The following SLCO1A2 variants were observed in gnomAD, a reference collection of about 807,000 sequenced individuals.
The protein encoded by SLCO1A2 is OATP-1.
A neutral mutation model predicts 69.0 loss-of-function variants in SLCO1A2; 67 were observed. That is an observed-to-expected ratio of 0.97 (90% CI 0.80 to 1.19). SLCO1A2 has a LOEUF of 1.19. Among genes scored for constraint, SLCO1A2 ranks in the 50% most tolerant of loss-of-function variants. The pLI is 0.00. For missense variants in SLCO1A2, 787 were observed against 793.7 expected (o/e 0.99, Z 0.10); for synonymous variants, 260 against 265.9 (o/e 0.98, Z 0.22).
At chr12:21,273,306 CTATT>C (rs1175281640) in intron 14 of SLCO1A2, among the ~76,000 whole-genome samples, 1 of 147,592 alleles carries the variant, frequency 6.8e-6, no homozygotes, top group East Asian at 1.9e-4. Flanking sequence ...GAGAGAGACA[CTATT>C]TATATCTTCC....
rs1296873203 is a variant in SLCO1A2 at position 21,400,826 on chromosome 12, A to G, written c.-312+17056T>C. 2.3e-4 allele frequency among the ~76,000 whole-genome samples: 32 copies of G among 141,188 alleles called. No homozygotes were observed. The Admixed American group carries it at 2.4e-3, about 11-fold the overall frequency. The allele number at this position is 141,188 out of a possible 152,430, so 92.6% of individuals were successfully genotyped here. The stretch of plus-strand genomic sequence containing the variant: ...CTCACTCATAGGTGGGAATTGAACA[A>G]TGAGATCACATGGACACAGGAAGGG... On this transcript the variant is annotated intron_variant, in intron 1 of 4. Coordinates refer to the SLCO1A2 transcript ENST00000413682.
chr12:21,368,355 A>AT (rs1296328322), intron 2 of SLCO1A2, among the ~76,000 whole-genome samples: 7 of 152,270 alleles, frequency 4.6e-5, no homozygotes, highest in Admixed American at 2.6e-4. Flanking sequence ...AAATGCCCCC[A>AT]TTTTTTAAAT....
At chr12:21,329,414 C>T (rs920977671) in intron 2 of SLCO1A2, among the ~76,000 whole-genome samples, 1 of 152,020 alleles carries the variant, frequency 6.6e-6, no homozygotes, top group African/African-American at 2.4e-5. Context: ...ACCTCTGGGC[C>T]TGATCCAGCC....
intron 1 of SLCO1A2, among the ~76,000 whole-genome samples, chr12:21,389,539 A>G (rs556497263): frequency 6.6e-6 from 1 of 152,258 alleles, no homozygotes; most frequent in Admixed American, 6.5e-5. Context: ...AGAAACTCAA[A>G]ATACAGTCTA....
intron 14 of SLCO1A2, among the ~76,000 whole-genome samples, chr12:21,272,082 A>C (rs931898898): frequency 6.6e-6 from 1 of 151,420 alleles, no homozygotes; most frequent in African/African-American, 2.4e-5. Flanking sequence ...GGGGTTTGGG[A>C]ATTTTTTATT....
rs990839399 is a variant in SLCO1A2, at chr12:21,310,475, G to A, written c.336-3487C>T. Reference sequence around the variant, plus strand: ...CACGCTGATGGCTGCTGGCTGATCAGGGTAGCGGCTGCTGAAGGTTGTGGG... The same window carrying A: ...CACGCTGATGGCTGCTGGCTGATCAAGGTAGCGGCTGCTGAAGGTTGTGGG... On this transcript the variant is annotated intron_variant, in intron 4 of 14. Coordinates refer to ENST00000683939, the MANE Select transcript of SLCO1A2 (RefSeq NM_001386879.1). Among the ~76,000 whole-genome samples, 4 of 152,362 alleles carry A rather than the reference G, an allele frequency of 2.6e-5. No individual in the cohort carries two copies. In the South Asian group the frequency reaches 6.2e-4, roughly 24 times the overall value.
chr12:21,393,465 T>A (rs1194565635), intron 1 of SLCO1A2, among the ~76,000 whole-genome samples: 1 of 152,208 alleles, frequency 6.6e-6, no homozygotes, highest in African/African-American at 2.4e-5. Flanking sequence ...AATATAGATA[T>A]AAAATTCTCA....
intron 3 of SLCO1A2, 109 bp downstream of exon 3, chr12:21,318,673 C>T: frequency 1.1e-6 from 1 of 870,808 alleles, no homozygotes; most frequent in East Asian, 2.7e-5. Flanking sequence ...AAACTTATAA[C>T]TCGGTCAGAT....
intron 2 of SLCO1A2, among the ~76,000 whole-genome samples, chr12:21,352,804 T>C (rs1454357928): frequency 6.6e-6 from 1 of 152,204 alleles, no homozygotes; most frequent in Non-Finnish European, 1.5e-5. Context: ...CATTGTTTGG[T>C]TGATTGTTCT....
At chr12:21,294,402 C>T (rs1474195776) in intron 10 of SLCO1A2, 8 of 198,404 alleles carry the variant, frequency 4.0e-5, no homozygotes, top group Admixed American at 3.6e-4. Context: ...TATTAGATCT[C>T]GAAAGATGAA....
Position 21,318,881 on chromosome 12 carries a change from G to T in SLCO1A2, c.103C>A (p.Leu35Met). Reference protein sequence around the residue: ...AITCAFVSKTLSGSYMNSMLT... With the variant: ...AITCAFVSKTMSGSYMNSMLT... ...ATGGAATTCATATAAGATCCAGACA[G>T]TGTTTTGGATACAAATGCACATGTT... is the stretch of plus-strand genomic sequence containing the variant. The change falls in exon 3 of 15, where the codon CTG becomes ATG. Residue 35 changes from leucine (L) to methionine (M), a missense_variant. Physicochemically the swap from Leu to Met is conservative, Grantham distance 15 (BLOSUM62 2). Transcript: ENST00000683939. 6.2e-7 allele frequency: 1 copy of T among 1,607,608 alleles called. No homozygotes were observed.
chr12:21,277,451 A>C (rs905566713), intron 12 of SLCO1A2, among the ~76,000 whole-genome samples: 1 of 151,760 alleles, frequency 6.6e-6, no homozygotes, highest in Non-Finnish European at 1.5e-5. Context: ...TATTGAGATG[A>C]GACTCAGCAC....
chr12:21,273,713 G>A (rs1943297117), intron 14 of SLCO1A2, among the ~76,000 whole-genome samples: 1 of 152,082 alleles, frequency 6.6e-6, no homozygotes, highest in Admixed American at 6.6e-5. Context: ...TCACTCCTGG[G>A]GAGCTCTGGG....
chr12:21,280,043 G>A (rs763449289), intron 12 of SLCO1A2, among the ~76,000 whole-genome samples: 2 of 150,742 alleles, frequency 1.3e-5, no homozygotes, highest in African/African-American at 2.4e-5. Context: ...CTAAAAAAAT[G>A]GGCTATAAGA....
At chr12:21,317,977 T>C (rs559717851) in intron 3 of SLCO1A2, among the ~76,000 whole-genome samples, 88 of 152,186 alleles carry the variant, frequency 5.8e-4, no homozygotes, top group African/African-American at 2.0e-3. Flanking sequence ...CAGAGAGCTA[T>C]AAAAGCAGTC....
intron 1 of SLCO1A2, among the ~76,000 whole-genome samples, chr12:21,381,582 G>A (rs1280271843): frequency 6.6e-6 from 1 of 152,150 alleles, no homozygotes. Flanking sequence ...CAGATCATGA[G>A]GTCAGGAGAT....
chr12:21,301,994 T>G (rs975917295), intron 6 of SLCO1A2, among the ~76,000 whole-genome samples: 13 of 152,198 alleles, frequency 8.5e-5, no homozygotes, highest in Admixed American at 6.5e-5. Context: ...TATCTCTGCC[T>G]TCTCCATGGT....
Position 21,301,225 on chromosome 12 carries a change from A to G in SLCO1A2, c.634T>C (p.Leu212=), listed in dbSNP as rs776470265. The G allele has an allele frequency of 9.9e-6, 16 of 1,612,678 alleles. No homozygotes were observed. In the Admixed American group the frequency reaches 1.3e-4, roughly 13 times the overall value. Residue 212 remains leucine (L), a synonymous_variant, in exon 7 of 15, where the codon TTG becomes CTG. Transcript: ENST00000683939. ...GAIIGPLIGL[L]LASFCANVYV... ...ACATTTGCACAGAATGATGCCAACA[A>G]AAGTCCAATCAAAGGACCAATAATA...
intron 2 of SLCO1A2, among the ~76,000 whole-genome samples, chr12:21,328,197 C>T (rs541304557): frequency 2.6e-5 from 4 of 152,092 alleles, no homozygotes; most frequent in Admixed American, 2.6e-4. Context: ...TCCATTAAAC[C>T]CCTTTTTCTT....
Sources: gnomAD v4.1 joint callset for allele counts (sites outside exome capture counted in the v4.1 genomes callset) on GRCh38, gnomAD v4.1.1 for gene constraint, MANE v1.5 for transcripts, NCBI Gene and HGNC (gene_info 2026-07-23, HGNC 2026-07-21) for gene names.